ABHD12: variants seen among roughly 807,000 people sequenced by gnomAD.
The protein encoded by ABHD12 is lysophosphatidylserine lipase ABHD12.
Under a neutral mutation model 58.3 loss-of-function variants are expected in ABHD12, and 43 were observed. The ratio of observed to expected loss-of-function variants is 0.74; its 90% CI spans 0.58 to 0.95. The LOEUF (loss-of-function observed/expected upper bound fraction) is 0.95, where lower values mean the gene tolerates loss of function less well. Ranked by LOEUF, ABHD12 falls within the 40% of genes least tolerant of loss-of-function variation. ABHD12 has a pLI of 0.00. For missense variants in ABHD12, 539 were observed against 537.2 expected (o/e 1.00, Z -0.03); for synonymous variants, 219 against 211.2 (o/e 1.04, Z -0.32).
chr20:25,302,950 AC>A (rs2088664641), intron 11 of ABHD12, among the ~76,000 whole-genome samples: 1 of 152,092 alleles, frequency 6.6e-6, no homozygotes, highest in African/African-American at 2.4e-5. Context: ...CATTACCAAG[AC>A]CCAGGCTGCC....
intron 1 of ABHD12, among the ~76,000 whole-genome samples, chr20:25,388,715 C>T (rs2090127498): frequency 6.6e-6 from 1 of 151,668 alleles, no homozygotes; most frequent in African/African-American, 2.4e-5. Context: ...AATTTTAATA[C>T]AGTACATTCT....
chr20:25,330,916 T>A (rs1282229138), intron 2 of ABHD12, among the ~76,000 whole-genome samples: 2 of 152,110 alleles, frequency 1.3e-5, no homozygotes, highest in East Asian at 3.9e-4. Flanking sequence ...CCTCTCCTCC[T>A]CCAAAGGAAC....
chr20:25,385,074 A>G (rs1414523513), intron 1 of ABHD12, among the ~76,000 whole-genome samples: 1 of 152,168 alleles, frequency 6.6e-6, no homozygotes, highest in Admixed American at 6.5e-5. Context: ...GCGGTGGCTC[A>G]CGCCTGTAAT....
intron 1 of ABHD12, among the ~76,000 whole-genome samples, chr20:25,366,281 C>CT (rs916697130): frequency 3.7e-4 from 53 of 143,720 alleles, no homozygotes; most frequent in East Asian, 6.1e-4. Flanking sequence ...CTTTTCTTTT[C>CT]TTTTTTTTTT....
rs903685750 is a variant in ABHD12, at chr20:25,381,529, C to T, written c.191+8984G>A. ...CTGATCAGGATGGACCCTATATGCA[C>T]GACTGGCTGAGAAGCCAGACTCTTA... On this transcript the variant is annotated intron_variant, in intron 1 of 12. Coordinates refer to ENST00000339157, the MANE Select transcript of ABHD12 (RefSeq NM_001042472.3). Among the ~76,000 whole-genome samples, 5 of 152,134 alleles carry T rather than the reference C, an allele frequency of 3.3e-5. No homozygotes were observed. The South Asian group carries it at 6.2e-4, about 19-fold the overall frequency.
intron 1 of ABHD12, among the ~76,000 whole-genome samples, chr20:25,361,957 A>AAC (rs913702956): frequency 1.6e-4 from 24 of 151,126 alleles, no homozygotes; most frequent in African/African-American, 4.9e-4. Context: ...TCCGTCTCAA[A>AAC]ACACACACAC....
chr20:25,328,924 G>A lies in ABHD12; in HGVS notation c.317-5494C>T, dbSNP rs149140544. On this transcript the variant is annotated intron_variant, in intron 2 of 12. Coordinates refer to ENST00000339157, the MANE Select transcript of ABHD12 (RefSeq NM_001042472.3). ...GGATCACACAGCCCCAGAGCGGGGT[G>A]GCTGTAGGAACCCCGTGGCCAGTAT... Among the ~76,000 whole-genome samples the A allele has an allele frequency of 3.6e-3, 554 of 152,324 alleles. 4 individuals carry two copies. Among genetic ancestry groups the A allele is most frequent in the African/African-American group, 0.012 (509 of 41,578 alleles).
intron 1 of ABHD12, among the ~76,000 whole-genome samples, chr20:25,390,299 G>A (rs1027331653): frequency 1.3e-5 from 2 of 152,158 alleles, no homozygotes; most frequent in African/African-American, 2.4e-5. Flanking sequence ...TCAGCGGCAG[G>A]GCAGGGCGCT....
intron 8 of ABHD12, 21 bp downstream of exon 8, chr20:25,308,435 TG>T: frequency 6.2e-7 from 1 of 1,609,682 alleles, no homozygotes; most frequent in Non-Finnish European, 8.5e-7. Flanking sequence ...CTGCCACGGC[TG>T]GGGCCCAACA....
chr20:25,356,773 C>T (rs762804105), intron 1 of ABHD12, among the ~76,000 whole-genome samples: 1 of 152,130 alleles, frequency 6.6e-6, no homozygotes, highest in Non-Finnish European at 1.5e-5. Context: ...TAATGGGCTG[C>T]TGTGCATATG....
chr20:25,296,657 G>C, downstream of ABHD12: 1 of 1,218,636 alleles, frequency 8.2e-7, no homozygotes, highest in Non-Finnish European at 1.1e-6. Flanking sequence ...AGGGGCCATG[G>C]GGGTCAGGGT....
chr20:25,351,116 T>C (rs2089595437), intron 1 of ABHD12, among the ~76,000 whole-genome samples: 1 of 152,176 alleles, frequency 6.6e-6, no homozygotes, highest in African/African-American at 2.4e-5. Context: ...ATCTGTCTAT[T>C]GTCATTTAAT....
chr20:25,357,598 A>C (rs982550116), intron 1 of ABHD12, among the ~76,000 whole-genome samples: 2 of 152,244 alleles, frequency 1.3e-5, no homozygotes, highest in Non-Finnish European at 2.9e-5. Flanking sequence ...TTCAAGGGAA[A>C]GTAAGAATTT....
intron 1 of ABHD12, among the ~76,000 whole-genome samples, chr20:25,367,761 C>T (rs1355653803): frequency 6.6e-6 from 1 of 152,208 alleles, no homozygotes; most frequent in African/African-American, 2.4e-5. Flanking sequence ...TTCCATTGTA[C>T]AGATATACCA....
At chr20:25,311,233 G>A (rs2088843690) in intron 6 of ABHD12, among the ~76,000 whole-genome samples, 1 of 152,226 alleles carries the variant, frequency 6.6e-6, no homozygotes, top group Non-Finnish European at 1.5e-5. Flanking sequence ...GCCTTGAGAT[G>A]GGGGTGATCC....
At chr20:25,361,641 T>C (rs1330799010) in intron 1 of ABHD12, among the ~76,000 whole-genome samples, 1 of 152,244 alleles carries the variant, frequency 6.6e-6, no homozygotes, top group Non-Finnish European at 1.5e-5. Context: ...TCAGTTGGTA[T>C]ATTTATTTTG....
intron 1 of ABHD12, among the ~76,000 whole-genome samples, chr20:25,349,285 G>A (rs1412120063): frequency 6.6e-6 from 1 of 152,084 alleles, no homozygotes; most frequent in Non-Finnish European, 1.5e-5. Context: ...AAACGAATCA[G>A]GTAGGAATAT....
intron 1 of ABHD12, among the ~76,000 whole-genome samples, chr20:25,363,497 G>A (rs910983172): frequency 3.9e-5 from 6 of 152,100 alleles, no homozygotes; most frequent in South Asian, 2.1e-4. Context: ...GAGAGCAGGC[G>A]TGAGTCACCG....
chr20:25,336,552 C>G (rs2089372040), intron 2 of ABHD12, among the ~76,000 whole-genome samples: 1 of 152,164 alleles, frequency 6.6e-6, no homozygotes, highest in African/African-American at 2.4e-5. Flanking sequence ...GGCTTCTTGT[C>G]TGGGCACAAG....
Sources: allele counts gnomAD v4.1 joint callset (sites outside exome capture counted in the v4.1 genomes callset), GRCh38; gene constraint gnomAD v4.1.1; transcripts MANE v1.5; gene names NCBI Gene and HGNC (gene_info 2026-07-23, HGNC 2026-07-21).